RDX: variants seen among roughly 807,000 people sequenced by gnomAD.
RDX encodes the protein deafness, autosomal recessive 24.
RDX carries 32 observed loss-of-function variants against 83.7 expected under a neutral mutation model. The ratio of observed to expected loss-of-function variants is 0.38; its 90% CI spans 0.29 to 0.51. RDX has a LOEUF of 0.51. Among genes scored for constraint, RDX ranks in the 20% least tolerant of loss-of-function variants. The probability of loss-of-function intolerance (pLI) is 0.87; values close to 1 mark genes in which losing one functional copy is unlikely to be tolerated. For synonymous variants in RDX, 229 were observed against 222.7 expected (o/e 1.03, Z -0.25); for missense variants, 600 against 689.9 (o/e 0.87, Z 1.46).
intron 13 of RDX, 105 bp downstream of exon 13, chr11:110,233,132 G>A: frequency 2.2e-6 from 3 of 1,374,636 alleles, no homozygotes; most frequent in Non-Finnish European, 3.1e-6. Context: ...AATCACAAGG[G>A]CAGCCAGTAT....
chr11:110,176,753 G>T (rs181849649), intron 15 of RDX, among the ~76,000 whole-genome samples: 153 of 152,332 alleles, frequency 1.0e-3, no homozygotes, highest in African/African-American at 3.4e-3. Flanking sequence ...CTAGCAGGAA[G>T]TTAGAGGGGG....
intron 9 of RDX, 60 bp from the exon 10 acceptor site, chr11:110,247,893 G>A (rs2134340865): frequency 2.0e-6 from 3 of 1,507,922 alleles, no homozygotes; most frequent in Non-Finnish European, 2.7e-6. Flanking sequence ...TTCATGTGAT[G>A]GAATACTACT....
In RDX at chr11:110,231,985, G is replaced by C. The variant is rs763338823; in HGVS notation, c.1636C>G (p.Gln546Glu). 2 of 1,613,972 alleles carry C rather than the reference G, an allele frequency of 1.2e-6. No homozygotes were observed. Among genetic ancestry groups the C allele is most frequent in the South Asian group, 1.1e-5 (1 of 91,084 alleles). ...AQARDETKKT[Q>E]NDVLHAENVK... is the part of the protein sequence containing the mutation. ...TTCTCAGCATGAAGAACATCATTTT[G>C]TGTTTTCTTGGTTTCATCTCTGGCT... Residue 546 changes from glutamine (Q) to glutamate (E), a missense_variant, in exon 14 of 14, where the codon CAA (glutamine) becomes GAA (glutamate). By Grantham distance (29) the Gln-to-Glu change is conservative. Coordinates refer to ENST00000645495, the MANE Select transcript of RDX (RefSeq NM_002906.4).
At chr11:110,206,225 C>T (rs1441733998) in intron 14 of RDX, among the ~76,000 whole-genome samples, 1 of 138,494 alleles carries the variant, frequency 7.2e-6, no homozygotes, top group African/African-American at 2.7e-5. Flanking sequence ...CCATTGCACC[C>T]CAGCCTGGAC....
chr11:110,221,831 C>A (rs1864260577), intron 14 of RDX, among the ~76,000 whole-genome samples: 1 of 152,108 alleles, frequency 6.6e-6, no homozygotes, highest in South Asian at 2.1e-4. Flanking sequence ...TTTCTTCTGG[C>A]ACTTAACTAC....
intron 14 of RDX, among the ~76,000 whole-genome samples, chr11:110,218,898 TAGG>T (rs1409240952): frequency 3.9e-5 from 6 of 152,158 alleles, no homozygotes; most frequent in Non-Finnish European, 5.9e-5. Context: ...GTTTATTAAA[TAGG>T]AGCATCTATG....
At chr11:110,238,878 T>C (rs943721582) in intron 10 of RDX, among the ~76,000 whole-genome samples, 6 of 151,070 alleles carry the variant, frequency 4.0e-5, no homozygotes, top group African/African-American at 7.3e-5. Flanking sequence ...TGAGCCAAGA[T>C]TGCACCACTG....
intron 15 of RDX, among the ~76,000 whole-genome samples, chr11:110,188,934 C>T (rs369996073): frequency 7.2e-5 from 11 of 151,854 alleles, no homozygotes; most frequent in African/African-American, 1.9e-4. Flanking sequence ...ATAAAGCAAC[C>T]GCACAATAGA....
intron 10 of RDX, among the ~76,000 whole-genome samples, chr11:110,246,284 C>A (rs1379160803): frequency 1.3e-5 from 2 of 152,196 alleles, no homozygotes; most frequent in Admixed American, 6.5e-5. Flanking sequence ...TTATAGCAAT[C>A]TTTGTGGCTT....
Position 110,255,443 on chromosome 11 carries a change from G to A in RDX, c.699-58C>T. ...GCAGGAAACAATGAATAAAATTCCT[G>A]TTTAGGACCTAAACTGACTGAATGA... is the stretch of plus-strand genomic sequence containing the variant. On this transcript the variant is annotated intron_variant, in intron 7 of 13. Transcript: ENST00000645495. The A allele has an allele frequency of 3.3e-6, 3 of 908,514 alleles. 1 individual carries two copies. In the South Asian group the frequency reaches 4.0e-5, roughly 12 times the overall value. The allele number at this position is 908,514 out of a possible 1,614,324, so 56.3% of individuals were successfully genotyped here. A position where few individuals can be genotyped will look rare whatever the true frequency, so the allele number is the denominator to read the frequency against.
In RDX at chr11:110,231,791, T is replaced by C; in HGVS notation, c.*78A>G. 4 of 1,522,030 alleles carry C rather than the reference T, an allele frequency of 2.6e-6. No individual in the cohort carries two copies. The highest frequency in any genetic ancestry group is 1.8e-6 in the Non-Finnish European group (2 of 1,103,252). 94.3% of individuals were successfully genotyped at this position (1,522,030 alleles called of 1,614,324 possible). A position where few individuals can be genotyped will look rare whatever the true frequency, so the allele number is the denominator to read the frequency against. The stretch of plus-strand genomic sequence containing the variant: ...AGTGCTTTGGCAAGGTGGGATGCAT[T>C]CCATCATATCTGCAAAGGCCTGCTT... On this transcript the variant is annotated 3_prime_UTR_variant, in exon 14 of 14. Coordinates refer to ENST00000645495, the MANE Select transcript of RDX (RefSeq NM_002906.4).
intron 14 of RDX, among the ~76,000 whole-genome samples, chr11:110,203,988 G>C (rs1042146187): frequency 6.6e-6 from 1 of 152,128 alleles, no homozygotes; most frequent in Non-Finnish European, 1.5e-5. Context: ...GGTGCAGTGA[G>C]CCAAGATAAC....
At chr11:110,226,477 G>A (rs1189934086), downstream of RDX, among the ~76,000 whole-genome samples, 2 of 152,134 alleles carry the variant, frequency 1.3e-5, no homozygotes, top group African/African-American at 2.4e-5. Context: ...CTGGGGAGGA[G>A]GGGGAATGGG....
At chr11:110,255,193 A>C in intron 8 of RDX, 96 bp downstream of exon 8, 1 of 710,430 alleles carries the variant, frequency 1.4e-6, no homozygotes, top group Non-Finnish European at 2.5e-6. Context: ...CTCAGAAGCA[A>C]TTTAATAAAT....
At chr11:110,208,910 C>G (rs1863704994) in intron 14 of RDX, among the ~76,000 whole-genome samples, 1 of 152,302 alleles carries the variant, frequency 6.6e-6, no homozygotes, top group African/African-American at 2.4e-5. Flanking sequence ...GAGCAGAGAT[C>G]ACGTCATTAC....
chr11:110,288,258 A>C (rs1429448219), intron 1 of RDX: 2 of 152,238 alleles, frequency 1.3e-5, no homozygotes, highest in Non-Finnish European at 2.9e-5. Flanking sequence ...ATTAACACCA[A>C]AGTTTTACAC....
intron 1 of RDX, among the ~76,000 whole-genome samples, chr11:110,285,250 T>TG (rs1158406917): frequency 6.6e-6 from 1 of 151,266 alleles, no homozygotes; most frequent in East Asian, 2.0e-4. Context: ...TAGCTGGGTG[T>TG]GGTGTGTGCC....
chr11:110,293,191 A>G (rs1299698661), intron 1 of RDX, among the ~76,000 whole-genome samples: 3 of 152,206 alleles, frequency 2.0e-5, no homozygotes, highest in Admixed American at 1.3e-4. Flanking sequence ...CAAATAAGGG[A>G]TATAAAGTAT....
At chr11:110,293,310 A>G (rs1861319316) in intron 1 of RDX, among the ~76,000 whole-genome samples, 1 of 152,224 alleles carries the variant, frequency 6.6e-6, no homozygotes, top group Non-Finnish European at 1.5e-5. Context: ...TCCAGGGAGT[A>G]AGGAGGACTT....
Sources: allele counts gnomAD v4.1 joint callset (sites outside exome capture counted in the v4.1 genomes callset), GRCh38; gene constraint gnomAD v4.1.1; transcripts MANE v1.5; gene names NCBI Gene and HGNC (gene_info 2026-07-23, HGNC 2026-07-21).